Variants in RORA observed in about 807,000 individuals in gnomAD.
RORA encodes the protein RAR related orphan receptor A, also known as nuclear receptor ROR-alpha.
RORA carries 7 observed loss-of-function variants against 69.5 expected under a neutral mutation model. The ratio of observed to expected loss-of-function variants is 0.10; its 90% CI spans 0.06 to 0.19. The LOEUF is 0.19. Ranked by LOEUF, RORA falls within the 10% of genes least tolerant of loss-of-function variation. The pLI is 1.00. For synonymous variants in RORA, 261 were observed against 240.8 expected (o/e 1.08, Z -0.78); for missense variants, 457 against 663.0 (o/e 0.69, Z 3.41).
intron 1 of RORA, among the ~76,000 whole-genome samples, chr15:60,940,124 G>A (rs1239511726): frequency 6.6e-6 from 1 of 152,148 alleles, no homozygotes; most frequent in Non-Finnish European, 1.5e-5. Context: ...TTTTGAAAAT[G>A]TTTCACTCTA....
At chr15:60,637,681 G>A (rs183442694) in intron 2 of RORA, among the ~76,000 whole-genome samples, 21 of 152,110 alleles carry the variant, frequency 1.4e-4, no homozygotes, top group Admixed American at 4.6e-4. Context: ...GCTTATATAT[G>A]TATTCTATTG....
At chr15:60,623,081 C>T (rs2069463736) in intron 2 of RORA, among the ~76,000 whole-genome samples, 1 of 152,172 alleles carries the variant, frequency 6.6e-6, no homozygotes, top group Non-Finnish European at 1.5e-5. Flanking sequence ...TGAGGAATGC[C>T]GTGTCTTCCC....
intron 1 of RORA, among the ~76,000 whole-genome samples, chr15:60,908,398 C>T (rs1378406285): frequency 1.3e-5 from 2 of 152,150 alleles, no homozygotes; most frequent in East Asian, 1.9e-4. Flanking sequence ...TCAGAAAATG[C>T]CCTATTTTCC....
At chr15:61,003,225 T>C (rs1242218880) in intron 1 of RORA, among the ~76,000 whole-genome samples, 1 of 152,030 alleles carries the variant, frequency 6.6e-6, no homozygotes. Context: ...ATAGGCTATA[T>C]AGTATGCAGT....
At chr15:60,919,899 C>A (rs1200321232) in intron 1 of RORA, among the ~76,000 whole-genome samples, 1 of 152,106 alleles carries the variant, frequency 6.6e-6, no homozygotes, top group Non-Finnish European at 1.5e-5. Flanking sequence ...TAATCAATAA[C>A]AAATAAACAA....
intron 1 of RORA, among the ~76,000 whole-genome samples, chr15:60,857,555 C>T (rs1238517732): frequency 6.6e-6 from 1 of 152,012 alleles, no homozygotes; most frequent in Non-Finnish European, 1.5e-5. Flanking sequence ...CTACTCCTTT[C>T]CCATACAAAC....
rs2065087450 is a variant in RORA at position 60,493,467 on chromosome 15, C to T, written c.*3988G>A. 6.6e-6 allele frequency: 1 copy of T among 152,110 alleles called. No individual in the cohort carries two copies. Among genetic ancestry groups the T allele is most frequent in the African/African-American group, 2.4e-5 (1 of 41,426 alleles). The allele number at this position is 152,110 out of a possible 1,614,324, so 9.4% of individuals were successfully genotyped here. On this transcript the variant is annotated 3_prime_UTR_variant, in exon 11 of 11. Coordinates refer to ENST00000335670, the MANE Select transcript of RORA (RefSeq NM_134261.3). ...AGAGAAGCTTACATACTACTTAAAC[C>T]TTTTCATGAAAGATACTACTAGGTT...
At chr15:60,765,225 G>T (rs2071968605) in intron 1 of RORA, 1 of 152,052 alleles carries the variant, frequency 6.6e-6, no homozygotes, top group Non-Finnish European at 1.5e-5. Context: ...CAACAGTTTG[G>T]TTTCTTACTG....
chr15:60,928,449 C>T (rs913230154), intron 1 of RORA, among the ~76,000 whole-genome samples: 5 of 152,146 alleles, frequency 3.3e-5, no homozygotes, highest in African/African-American at 7.2e-5. Flanking sequence ...AAAGCATTCG[C>T]GCTCAGTATG....
intron 2 of RORA, among the ~76,000 whole-genome samples, chr15:60,540,409 T>A (rs1472299630): frequency 6.6e-6 from 1 of 152,142 alleles, no homozygotes; most frequent in Non-Finnish European, 1.5e-5. Flanking sequence ...TATGAAACAA[T>A]CTTACTTTAA....
intron 1 of RORA, among the ~76,000 whole-genome samples, chr15:60,742,325 A>G (rs2071585220): frequency 6.6e-6 from 1 of 152,224 alleles, no homozygotes; most frequent in Non-Finnish European, 1.5e-5. Flanking sequence ...AGAATGTGAA[A>G]ATCACACAAA....
intron 1 of RORA, among the ~76,000 whole-genome samples, chr15:60,709,183 A>T (rs902392044): frequency 1.9e-4 from 29 of 152,218 alleles, no homozygotes; most frequent in African/African-American, 6.8e-4. Flanking sequence ...CTTTATGTAA[A>T]CATATCTTTG....
At chr15:61,221,871 A>G (rs1399819740) in intron 1 of RORA, among the ~76,000 whole-genome samples, 1 of 152,024 alleles carries the variant, frequency 6.6e-6, no homozygotes, top group Non-Finnish European at 1.5e-5. Context: ...GATGTTCATA[A>G]TCAAGCCAGG....
chr15:60,662,597 A>G (rs1379534389), intron 2 of RORA, among the ~76,000 whole-genome samples: 1 of 152,010 alleles, frequency 6.6e-6, no homozygotes, highest in African/African-American at 2.4e-5. Flanking sequence ...TTTATAATGC[A>G]TGCTTCCAGG....
intron 1 of RORA, among the ~76,000 whole-genome samples, chr15:61,148,755 C>G (rs975565895): frequency 2.0e-5 from 3 of 152,120 alleles, no homozygotes; most frequent in African/African-American, 7.2e-5. Flanking sequence ...TAAATCTACT[C>G]AGCAGTTAAT....
At chr15:60,694,538 T>A (rs1045981283) in intron 1 of RORA, among the ~76,000 whole-genome samples, 1 of 152,250 alleles carries the variant, frequency 6.6e-6, no homozygotes, top group Admixed American at 6.5e-5. Flanking sequence ...GTTGTGCACA[T>A]AACTGCCCCT....
At chr15:61,123,615 T>C (rs1367079615) in intron 1 of RORA, among the ~76,000 whole-genome samples, 1 of 152,212 alleles carries the variant, frequency 6.6e-6, no homozygotes, top group Non-Finnish European at 1.5e-5. Context: ...ATGTTGATGC[T>C]TGGGCTCCAC....
chr15:60,540,257 T>C (rs943087552), intron 2 of RORA, among the ~76,000 whole-genome samples: 2 of 152,204 alleles, frequency 1.3e-5, no homozygotes, highest in African/African-American at 4.8e-5. Context: ...TCCTTACAGC[T>C]GAGAGCACTG....
At chr15:60,819,064 A>C (rs1368704605) in intron 1 of RORA, among the ~76,000 whole-genome samples, 1 of 152,138 alleles carries the variant, frequency 6.6e-6, no homozygotes, top group East Asian at 1.9e-4. Context: ...ACTTGGTCTC[A>C]CTCTCTGGTT....
Sources: gnomAD v4.1 joint callset for allele counts (sites outside exome capture counted in the v4.1 genomes callset) on GRCh38, gnomAD v4.1.1 for gene constraint, MANE v1.5 for transcripts, NCBI Gene and HGNC (gene_info 2026-07-23, HGNC 2026-07-21) for gene names.